FBN2: variants seen among roughly 807,000 people sequenced by gnomAD.
FBN2 encodes fibrillin 2, also known as fibrillin-2.
Under a neutral mutation model 355.6 loss-of-function variants are expected in FBN2, and 105 were observed. The observed-to-expected ratio is 0.30, with a 90% CI of 0.25 to 0.35. The LOEUF is 0.35. Among genes scored for constraint, FBN2 ranks in the 10% least tolerant of loss-of-function variants. The pLI, the probability that FBN2 is intolerant of heterozygous loss-of-function variation, is 1.00. For synonymous variants in FBN2, 1,350 were observed against 1,301.2 expected, an observed-to-expected ratio of 1.04 and a Z score of -0.81; for missense variants, 3,280 against 3,758.7, an observed-to-expected ratio of 0.87 and a Z score of 3.33.
At chr5:128,537,325 G>C (rs767276114) in intron 1 of FBN2, 25 bp downstream of exon 1, 3 of 1,608,400 alleles carry the variant, frequency 1.9e-6, no homozygotes, top group African/African-American at 1.3e-5. Context: ...CGGAGCCCTA[G>C]GTGCGGAGCC....
intron 7 of FBN2, among the ~76,000 whole-genome samples, chr5:128,416,067 C>G (rs931413127): frequency 2.7e-5 from 4 of 150,058 alleles, no homozygotes; most frequent in Non-Finnish European, 4.4e-5. Context: ...GCTCTTGCTG[C>G]CCAGGCTGGA....
intron 4 of FBN2, among the ~76,000 whole-genome samples, 186 bp from the exon 5 acceptor site, chr5:128,519,554 A>T (rs891845496): frequency 6.6e-6 from 1 of 152,112 alleles, no homozygotes; most frequent in African/African-American, 2.4e-5. Context: ...ATATTTAAGT[A>T]TATTCAGACA....
rs1201284691 is a variant in FBN2 at position 128,305,617 on chromosome 5, A to G, written c.5568T>C (p.Asn1856=). Residue 1856 remains asparagine, a synonymous_variant, in exon 44 of 65, where the codon AAT becomes AAC. Transcript: ENST00000262464. ...CATTCCGCTGGCAGAGATTATCACC[A>G]TTGCTGCACTCATCTATATCTGAAA... is the stretch of plus-strand genomic sequence containing the variant. The part of the protein sequence containing the change: ...LVCEDIDECS[N]GDNLCQRNAD... The G allele has an allele frequency of 3.7e-6, 6 of 1,613,912 alleles. No individual in the cohort carries two copies. The Admixed American group carries it at 1.0e-4, about 27-fold the overall frequency.
At chr5:128,463,118 G>C (rs1754602807) in intron 6 of FBN2, among the ~76,000 whole-genome samples, 6 of 151,978 alleles carry the variant, frequency 3.9e-5, no homozygotes, top group Admixed American at 3.9e-4. Flanking sequence ...CAATATAGTA[G>C]AGTATTTTAT....
intron 34 of FBN2, 170 bp downstream of exon 34, chr5:128,328,526 C>T: frequency 2.7e-6 from 2 of 748,262 alleles, no homozygotes; most frequent in East Asian, 2.7e-5. Context: ...TGAAAGCCGC[C>T]ATCATCATTA....
In FBN2 at chr5:128,488,196, A is replaced by T. The variant is rs142352546; in HGVS notation, c.629-23275T>A. ...CGCTTCAATGAACCCAGACTCAAGA[A>T]TCTATTACAAAAATGAATTTTAAGC... On this transcript the variant is annotated intron_variant, in intron 5 of 64. Transcript: ENST00000262464. 7.0e-3 allele frequency among the ~76,000 whole-genome samples: 897 copies of T among 128,480 alleles called. 12 individuals carry two copies. The highest frequency in any genetic ancestry group is 0.039 in the African/African-American group (846 of 21,622). 84.3% of individuals were successfully genotyped at this position (128,480 alleles called of 152,430 possible).
At chr5:128,298,813 G>T (rs372559710) in intron 48 of FBN2, among the ~76,000 whole-genome samples, 2 of 152,040 alleles carry the variant, frequency 1.3e-5, no homozygotes, top group East Asian at 1.9e-4. Flanking sequence ...TAATTTGATC[G>T]TCTGAAGCCT....
At chr5:128,419,774 C>A (rs1753297789) in intron 7 of FBN2, among the ~76,000 whole-genome samples, 1 of 152,072 alleles carries the variant, frequency 6.6e-6, no homozygotes, top group Admixed American at 6.5e-5. Context: ...CTCACCAAAA[C>A]CTCCGCTTCC....
intron 6 of FBN2, among the ~76,000 whole-genome samples, chr5:128,458,799 G>C (rs1319246693): frequency 6.6e-6 from 1 of 152,130 alleles, no homozygotes; most frequent in Non-Finnish European, 1.5e-5. Flanking sequence ...AGCTAAAGCA[G>C]TGTTAAGAAG....
intron 5 of FBN2, among the ~76,000 whole-genome samples, chr5:128,504,789 G>A (rs1182090010): frequency 2.0e-5 from 3 of 152,190 alleles, no homozygotes; most frequent in Non-Finnish European, 4.4e-5. Flanking sequence ...TAAGACTTTG[G>A]AGAGTTGTTG....
chr5:128,449,503 G>A (rs983269303), intron 6 of FBN2, among the ~76,000 whole-genome samples: 1 of 147,182 alleles, frequency 6.8e-6, no homozygotes, highest in Non-Finnish European at 1.5e-5. Context: ...TATACTATTT[G>A]AAAATAGAAT....
At chr5:128,442,241 T>C (rs910177767) in intron 7 of FBN2, 12 of 450,002 alleles carry the variant, frequency 2.7e-5, no homozygotes, top group African/African-American at 6.0e-5. Flanking sequence ...TCCAATACAA[T>C]GATGTTCTTT....
intron 11 of FBN2, among the ~76,000 whole-genome samples, chr5:128,390,888 T>C (rs1752491274): frequency 6.6e-6 from 1 of 152,244 alleles, no homozygotes; most frequent in Non-Finnish European, 1.5e-5. Context: ...AGAAAGATTA[T>C]TTAACACTGT....
At chr5:128,459,430 G>T (rs539125538) in intron 6 of FBN2, among the ~76,000 whole-genome samples, 2 of 152,242 alleles carry the variant, frequency 1.3e-5, no homozygotes, top group African/African-American at 4.8e-5. Flanking sequence ...GAAAAGAAGG[G>T]ACTCCTCCCT....
At chr5:128,290,707 T>C (rs1319713648) in intron 50 of FBN2, 25 bp downstream of exon 50, 3 of 1,612,558 alleles carry the variant, frequency 1.9e-6, no homozygotes, top group African/African-American at 1.3e-5. Context: ...CACAAAGTGC[T>C]GTCTGATGAT....
chr5:128,472,114 C>T (rs1754875971), intron 5 of FBN2, among the ~76,000 whole-genome samples: 1 of 152,164 alleles, frequency 6.6e-6, no homozygotes, highest in Non-Finnish European at 1.5e-5. Context: ...TCAACTTAAG[C>T]GTCCACTGAC....
intron 4 of FBN2, among the ~76,000 whole-genome samples, chr5:128,520,954 T>G (rs192634951): frequency 1.3e-5 from 2 of 151,728 alleles, no homozygotes; most frequent in Non-Finnish European, 2.9e-5. Flanking sequence ...ACGGGGAACA[T>G]GAAAAAAATA....
intron 11 of FBN2, among the ~76,000 whole-genome samples, chr5:128,391,462 T>C (rs536480152): frequency 4.6e-5 from 7 of 152,340 alleles, no homozygotes; most frequent in Admixed American, 1.3e-4. Flanking sequence ...ATGTTACTTA[T>C]GTCAACATGC....
At chr5:128,514,977 C>T (rs1442519812) in intron 5 of FBN2, among the ~76,000 whole-genome samples, 3 of 152,158 alleles carry the variant, frequency 2.0e-5, no homozygotes, top group Non-Finnish European at 2.9e-5. Flanking sequence ...TCCCTATATT[C>T]CTGGTCATAC....
Sources: gnomAD v4.1 joint callset for allele counts (sites outside exome capture counted in the v4.1 genomes callset) on GRCh38, gnomAD v4.1.1 for gene constraint, MANE v1.5 for transcripts, NCBI Gene and HGNC (gene_info 2026-07-23, HGNC 2026-07-21) for gene names.